Variants in ACOT11 observed in about 807,000 individuals in gnomAD.
The protein encoded by ACOT11 is acyl-coenzyme A thioesterase 11.
A neutral mutation model predicts 77.5 loss-of-function variants in ACOT11; 69 were observed. That is an observed-to-expected ratio of 0.89 (90% confidence interval 0.73 to 1.09). The LOEUF (loss-of-function observed/expected upper bound fraction) is 1.09, where lower values mean the gene tolerates loss of function less well. ACOT11 is among the 50% of genes least tolerant of loss of function. ACOT11 has a pLI of 0.00. For missense variants in ACOT11, 766 were observed against 813.7 expected (o/e 0.94, Z 0.71); for synonymous variants, 279 against 313.0 (o/e 0.89, Z 1.15).
At position 54,609,515 on chromosome 1, in the gene ACOT11, A is replaced by G. The variant is rs753347392; in HGVS notation, c.*403A>G. On this transcript the variant is annotated 3_prime_UTR_variant, in exon 16 of 16. Transcript: ENST00000343744. ...CATCTGGAAGGACACAGGTTGCCAG[A>G]GCCCCTGGCACAACTCTAGCATATC... 6 of 1,613,094 alleles carry G rather than the reference A, an allele frequency of 3.7e-6. No homozygotes were observed. In the South Asian group the frequency reaches 6.6e-5, roughly 18 times the overall value.
chr1:54,614,620 G>A (rs1644151966), downstream of ACOT11: 101 of 1,423,584 alleles, frequency 7.1e-5, 1 homozygote, highest in South Asian at 1.3e-3. Context: ...AAACTCAGAG[G>A]TCCCCTAAGA....
intron 1 of ACOT11, among the ~76,000 whole-genome samples, chr1:54,580,907 G>C (rs899704470): frequency 7.9e-5 from 12 of 152,198 alleles, no homozygotes; most frequent in Non-Finnish European, 1.8e-4. Flanking sequence ...TCATGTTGGG[G>C]GAAGACAGCG....
At chr1:54,568,580 T>TCA (rs1653823727) in intron 1 of ACOT11, among the ~76,000 whole-genome samples, 3 of 152,018 alleles carry the variant, frequency 2.0e-5, no homozygotes, top group African/African-American at 7.2e-5. Context: ...GTCAGACTGG[T>TCA]CTCCAGCTCC....
rs1396402505 is a variant in ACOT11, at chr1:54,608,042, T to A, written c.1603T>A (p.Trp535Arg). The A allele has an allele frequency of 1.9e-6, 3 of 1,611,936 alleles. No individual in the cohort carries two copies. The East Asian group carries it at 6.7e-5, about 36-fold the overall frequency. Residue 535 changes from tryptophan to arginine, a missense_variant, in exon 15 of 16, where the codon TGG (tryptophan) becomes AGG (arginine). By Grantham distance (101) the Trp-to-Arg change is moderately radical. Coordinates refer to ENST00000343744, the MANE Select transcript of ACOT11 (RefSeq NM_147161.4). ...GACCCTCTGCTCAGGCTTCTGCCTC[T>A]GGCGCGAGGGGGACCAGCTGACCAA... ...GETLCSGFCL[W>R]REGDQLTKVS... is the part of the protein sequence containing the mutation.
intron 12 of ACOT11, 143 bp from the exon 13 acceptor site, chr1:54,604,933 G>A: frequency 2.3e-6 from 2 of 862,840 alleles, no homozygotes; most frequent in African/African-American, 3.4e-5. Context: ...TGGGGATGCA[G>A]CTGAGACTCA....
At chr1:54,618,209 AAAT>A (rs1163268621) in intron 15 of ACOT11, among the ~76,000 whole-genome samples, 1 of 152,168 alleles carries the variant, frequency 6.6e-6, no homozygotes, top group Non-Finnish European at 1.5e-5. Flanking sequence ...TGGCTTAAAA[AAAT>A]CACCTCCTCA....
intron 1 of ACOT11, among the ~76,000 whole-genome samples, chr1:54,562,373 A>G (rs113843068): frequency 2.1e-5 from 1 of 47,934 alleles, no homozygotes; most frequent in Non-Finnish European, 3.9e-5. Context: ...GGGGCTCCTC[A>G]CTTCCCAGTA....
chr1:54,578,484 A>G (rs1361037101), intron 1 of ACOT11, among the ~76,000 whole-genome samples: 2 of 152,180 alleles, frequency 1.3e-5, no homozygotes, highest in Non-Finnish European at 1.5e-5. Context: ...CCTGTCTGCC[A>G]CAGATTCTCA....
At chr1:54,568,632 G>T (rs935790537) in intron 1 of ACOT11, among the ~76,000 whole-genome samples, 1 of 152,088 alleles carries the variant, frequency 6.6e-6, no homozygotes, top group Non-Finnish European at 1.5e-5. Flanking sequence ...TGAAAGTGCT[G>T]GGATTACAGG....
Position 54,560,103 on chromosome 1 carries a change from T to C in ACOT11, c.33+11761T>C, listed in dbSNP as rs571395984. Among the ~76,000 whole-genome samples, 14 of 152,254 alleles carry C rather than the reference T, an allele frequency of 9.2e-5. No individual in the cohort carries two copies. In the South Asian group the frequency reaches 2.9e-3, roughly 32 times the overall value. On this transcript the variant is annotated intron_variant, in intron 1 of 15. Coordinates refer to ENST00000343744, the MANE Select transcript of ACOT11 (RefSeq NM_147161.4). ...TGGGGCAGACCAGAGTCTGACACTTTGGGGACACAGGGATGAGCCAGACTA... is the reference window on the plus strand; with the variant it reads ...TGGGGCAGACCAGAGTCTGACACTTCGGGGACACAGGGATGAGCCAGACTA...
At chr1:54,611,501 T>G, downstream of ACOT11, 1 of 1,165,576 alleles carries the variant, frequency 8.6e-7, no homozygotes, top group South Asian at 1.5e-5. Context: ...CACCCCGGCC[T>G]TCCCCCTTCT....
intron 1 of ACOT11, among the ~76,000 whole-genome samples, chr1:54,557,779 G>A (rs12080685): frequency 0.058 from 8,759 of 152,176 alleles, 329 homozygotes; most frequent in South Asian, 0.14. Context: ...TTTAGTGGAG[G>A]CTTTAGGGTT....
At chr1:54,623,226 G>T in intron 15 of ACOT11, 4 of 1,197,388 alleles carry the variant, frequency 3.3e-6, no homozygotes, top group Non-Finnish European at 2.5e-6. Context: ...GTGGGGATAA[G>T]GAGCGAGCGA....
chr1:54,556,371 G>C (rs1653259093), intron 1 of ACOT11, among the ~76,000 whole-genome samples: 1 of 152,064 alleles, frequency 6.6e-6, no homozygotes, highest in South Asian at 2.1e-4. Flanking sequence ...TTGGCTATTT[G>C]GGGTCTTTTG....
At chr1:54,577,921 AAAGCC>A (rs1654171513) in intron 1 of ACOT11, among the ~76,000 whole-genome samples, 1 of 152,160 alleles carries the variant, frequency 6.6e-6, no homozygotes, top group Non-Finnish European at 1.5e-5. Context: ...TCAGTACCAA[AAAGCC>A]CTGTGTACTG....
intron 1 of ACOT11, among the ~76,000 whole-genome samples, chr1:54,577,898 C>T (rs1402045533): frequency 1.3e-5 from 2 of 152,204 alleles, no homozygotes; most frequent in Non-Finnish European, 2.9e-5. Flanking sequence ...TCCTGTTCCT[C>T]CTTCCAAGTT....
downstream of ACOT11, chr1:54,614,939 G>GGTGGGT: frequency 8.3e-7 from 1 of 1,210,050 alleles, no homozygotes; most frequent in Admixed American, 2.0e-5. Context: ...AAGCAGAGCG[G>GGTGGGT]GTGTGTGTGT....
chr1:54,609,178 G>A lies in ACOT11; in HGVS notation c.*66G>A, dbSNP rs564547713. 5 of 1,605,698 alleles carry A rather than the reference G, an allele frequency of 3.1e-6. No homozygotes were observed. The highest frequency in any genetic ancestry group is 3.4e-5 in the Admixed American group (2 of 59,278). On this transcript the variant is annotated 3_prime_UTR_variant, in exon 16 of 16. Transcript: ENST00000343744. Reference sequence around the variant, plus strand: ...CTGTCCCCAAGGACTCACATACAGTGCCTGGAGAAAGCCAAAGACCTTTAT... The same window carrying A: ...CTGTCCCCAAGGACTCACATACAGTACCTGGAGAAAGCCAAAGACCTTTAT...
In ACOT11 at chr1:54,593,958, C is replaced by T. The variant is rs750710661; in HGVS notation, c.390C>T (p.Ala130=). 5 of 1,614,128 alleles carry T rather than the reference C, an allele frequency of 3.1e-6. No homozygotes were observed. The Admixed American group carries it at 6.7e-5, about 22-fold the overall frequency. Residue 130 remains alanine (A), a synonymous_variant, in exon 5 of 16, where the codon GCC becomes GCT. Transcript: ENST00000343744. ...CTCTCCAGGTGGGCATCCAGGTGGC[C>T]TCGGAGGACCTGTGCTCTGAGAAGC... The part of the protein sequence containing the change: ...NSSMEVGIQV[A]SEDLCSEKQW...
Sources: gnomAD v4.1 joint callset for allele counts (sites outside exome capture counted in the v4.1 genomes callset) on GRCh38, gnomAD v4.1.1 for gene constraint, MANE v1.5 for transcripts, NCBI Gene and HGNC (gene_info 2026-07-23, HGNC 2026-07-21) for gene names.